The following ABCC1 variants were observed in gnomAD, a reference collection of about 807,000 sequenced individuals.
The protein encoded by ABCC1 is ATP binding cassette subfamily C member 1 (ABCC1 blood group), also known as multidrug resistance-associated protein 1.
Under a neutral mutation model 172.9 loss-of-function variants are expected in ABCC1, and 83 were observed. The ratio of observed to expected loss-of-function variants is 0.48; its 90% CI spans 0.40 to 0.58. The LOEUF is 0.58. Among genes scored for constraint, ABCC1 ranks in the 20% least tolerant of loss-of-function variants. ABCC1 has a pLI of 0.00. For synonymous variants in ABCC1, 937 were observed against 825.2 expected (o/e 1.14, Z -2.32); for missense variants, 1,817 against 2,002.7 (o/e 0.91, Z 1.77).
chr16:16,093,979 C>CTTTTTTTTTTTTT (rs578261751), intron 19 of ABCC1, among the ~76,000 whole-genome samples: 2 of 106,658 alleles, frequency 1.9e-5, no homozygotes, highest in East Asian at 2.8e-4. Flanking sequence ...TCCCTCTCTC[C>CTTTTTTTTTTTTT]TTTTTTTTTT....
At chr16:16,033,072 C>T (rs1203500727) in intron 5 of ABCC1, 37 bp from the exon 6 acceptor site, 2 of 1,599,866 alleles carry the variant, frequency 1.3e-6, no homozygotes, top group East Asian at 2.2e-5. Context: ...TCATTCCTTT[C>T]CCTCTTCCTC....
intron 27 of ABCC1, among the ~76,000 whole-genome samples, chr16:16,132,510 G>GTTTTTTTGTT (rs2045735977): frequency 5.4e-5 from 2 of 37,298 alleles, no homozygotes; most frequent in Non-Finnish European, 9.9e-5. Flanking sequence ...TTGGTTGGTT[G>GTTTTTTTGTT]TTTTTTTTTT....
At chr16:16,018,098 T>C (rs898430410) in intron 5 of ABCC1, among the ~76,000 whole-genome samples, 1 of 152,128 alleles carries the variant, frequency 6.6e-6, no homozygotes, top group Non-Finnish European at 1.5e-5. Flanking sequence ...CAGCTGGTAA[T>C]GGGCGGATTG....
intron 5 of ABCC1, among the ~76,000 whole-genome samples, chr16:16,028,315 C>T (rs1039768030): frequency 2.4e-4 from 36 of 152,276 alleles, no homozygotes; most frequent in African/African-American, 8.2e-4. Context: ...TTCCCCAGGG[C>T]AGGAGGCTGA....
chr16:15,985,878 A>G (rs1421136185), intron 1 of ABCC1, among the ~76,000 whole-genome samples: 3 of 152,072 alleles, frequency 2.0e-5, no homozygotes, highest in Admixed American at 6.6e-5. Flanking sequence ...GGGAGAATCC[A>G]TGGCCTGGCC....
intron 5 of ABCC1, among the ~76,000 whole-genome samples, chr16:16,021,457 C>CT (rs1383959631): frequency 1.3e-5 from 2 of 152,032 alleles, no homozygotes; most frequent in Admixed American, 6.6e-5. Flanking sequence ...TGGCTTACAC[C>CT]TATAAACCCA....
intron 6 of ABCC1, 71 bp from the exon 7 acceptor site, chr16:16,036,401 A>G (rs1041028717): frequency 4.5e-5 from 66 of 1,454,966 alleles, no homozygotes; most frequent in Non-Finnish European, 6.0e-5. Flanking sequence ...GTGTGGAGTG[A>G]GTGAGCCCCG....
intron 11 of ABCC1, among the ~76,000 whole-genome samples, chr16:16,054,116 A>G (rs2049549134): frequency 1.3e-5 from 2 of 151,992 alleles, no homozygotes; most frequent in Non-Finnish European, 2.9e-5. Context: ...CTGGGATTAC[A>G]GGTGCCCACC....
chr16:15,954,320 G>A (rs1002208773), intron 1 of ABCC1, among the ~76,000 whole-genome samples: 12 of 152,052 alleles, frequency 7.9e-5, no homozygotes, highest in African/African-American at 1.7e-4. Context: ...GTGAGCCACC[G>A]CGCTCAGCCT....
chr16:15,983,098 A>G (rs2046664966), intron 1 of ABCC1, among the ~76,000 whole-genome samples: 1 of 152,152 alleles, frequency 6.6e-6, no homozygotes, highest in Non-Finnish European at 1.5e-5. Context: ...ACAAAGTACC[A>G]TGAAGTTGTT....
At chr16:16,122,274 C>G in intron 24 of ABCC1, 100 bp downstream of exon 24, 1 of 1,321,572 alleles carries the variant, frequency 7.6e-7, no homozygotes, top group Non-Finnish European at 1.1e-6. Flanking sequence ...GGGTATAAAG[C>G]CAAACCCCGG....
chr16:15,957,196 C>T (rs1239372149), intron 1 of ABCC1, among the ~76,000 whole-genome samples: 12 of 151,870 alleles, frequency 7.9e-5, no homozygotes, highest in Admixed American at 7.9e-4. Flanking sequence ...TCTCCCACTT[C>T]AGCTCCCCAG....
intron 1 of ABCC1, among the ~76,000 whole-genome samples, chr16:15,992,920 G>T (rs2046917265): frequency 6.6e-6 from 1 of 151,780 alleles, no homozygotes; most frequent in South Asian, 2.1e-4. Flanking sequence ...TGTGGCCTTT[G>T]CCTGTGCCAT....
intron 9 of ABCC1, 22 bp downstream of exon 9, chr16:16,046,035 G>A (rs762030773): frequency 6.2e-7 from 1 of 1,612,004 alleles, no homozygotes; most frequent in African/African-American, 1.3e-5. Flanking sequence ...TGTGCCATTG[G>A]CATGTGGCCC....
chr16:16,012,220 G>A (rs2047811993), intron 3 of ABCC1, among the ~76,000 whole-genome samples: 1 of 152,182 alleles, frequency 6.6e-6, no homozygotes, highest in Non-Finnish European at 1.5e-5. Context: ...GGTACAGAGA[G>A]GAGAAGGACT....
chr16:16,040,812 G>C (rs2048947966), intron 7 of ABCC1, among the ~76,000 whole-genome samples: 2 of 152,004 alleles, frequency 1.3e-5, no homozygotes, highest in South Asian at 4.1e-4. Flanking sequence ...AACAACCCAG[G>C]CTGTCCTGGG....
chr16:16,063,820 T>A (rs561813560), intron 12 of ABCC1, among the ~76,000 whole-genome samples: 38 of 152,254 alleles, frequency 2.5e-4, no homozygotes, highest in African/African-American at 8.4e-4. Flanking sequence ...CTTACTCTTT[T>A]CCCCTAATAT....
intron 5 of ABCC1, among the ~76,000 whole-genome samples, chr16:16,026,774 A>T (rs2048389995): frequency 6.6e-6 from 1 of 151,996 alleles, no homozygotes. Flanking sequence ...AAAATTAGCC[A>T]GGTGTGGTGG....
chr16:16,029,123 C>T (rs1461341171), intron 5 of ABCC1, among the ~76,000 whole-genome samples: 1 of 152,198 alleles, frequency 6.6e-6, no homozygotes, highest in East Asian at 1.9e-4. Context: ...TTAGCCCTGG[C>T]TGTGTATTTG....
Sources: allele counts gnomAD v4.1 joint callset (sites outside exome capture counted in the v4.1 genomes callset), GRCh38; gene constraint gnomAD v4.1.1; transcripts MANE v1.5; gene names NCBI Gene and HGNC (gene_info 2026-07-23, HGNC 2026-07-21).